The following EYA4 variants were observed in gnomAD, a reference collection of about 807,000 sequenced individuals.
The protein encoded by EYA4 is protein phosphatase EYA4.
Under a neutral mutation model 87.9 loss-of-function variants are expected in EYA4, and 31 were observed. The observed-to-expected ratio is 0.35, with a 90% CI of 0.27 to 0.48. The LOEUF (loss-of-function observed/expected upper bound fraction) is 0.48, where lower values mean the gene tolerates loss of function less well. Ranked by LOEUF, EYA4 falls within the 20% of genes least tolerant of loss-of-function variation. The pLI is 0.99. For synonymous variants in EYA4, 263 were observed against 270.6 expected (o/e 0.97, Z 0.28); for missense variants, 678 against 761.4 (o/e 0.89, Z 1.29).
chr6:133,455,380 A>T (rs976512433), intron 5 of EYA4, among the ~76,000 whole-genome samples: 1 of 146,350 alleles, frequency 6.8e-6, no homozygotes, highest in Admixed American at 6.6e-5. Context: ...TCCAACATTT[A>T]CATTTCTCCT....
intron 3 of EYA4, among the ~76,000 whole-genome samples, chr6:133,436,548 C>A (rs962921051): frequency 2.6e-5 from 4 of 152,130 alleles, no homozygotes; most frequent in Admixed American, 6.5e-5. Flanking sequence ...CCTGATGGTG[C>A]CTTACAGTCT....
intron 1 of EYA4, among the ~76,000 whole-genome samples, chr6:133,260,451 TG>T (rs982473042): frequency 3.3e-5 from 5 of 152,182 alleles, no homozygotes; most frequent in African/African-American, 1.2e-4. Flanking sequence ...TTAGCCAGGC[TG>T]GCCTCAAACT....
intron 13 of EYA4, among the ~76,000 whole-genome samples, chr6:133,490,589 A>C (rs577091990): frequency 2.0e-5 from 3 of 152,212 alleles, no homozygotes; most frequent in East Asian, 1.9e-4. Context: ...ACAAAAAAAA[A>C]CTATAAAAAT....
At chr6:133,494,458 A>G (rs1194066531) in intron 13 of EYA4, among the ~76,000 whole-genome samples, 1 of 152,148 alleles carries the variant, frequency 6.6e-6, no homozygotes, top group African/African-American at 2.4e-5. Flanking sequence ...GGGTACAAAA[A>G]TATAGTTAGA....
At chr6:133,401,689 C>A (rs1299089440) in intron 3 of EYA4, among the ~76,000 whole-genome samples, 1 of 152,106 alleles carries the variant, frequency 6.6e-6, no homozygotes, top group Non-Finnish European at 1.5e-5. Context: ...CTTCTATTTT[C>A]TTGATGACTA....
At chr6:133,441,212 C>T (rs1792250509) in intron 3 of EYA4, among the ~76,000 whole-genome samples, 1 of 151,984 alleles carries the variant, frequency 6.6e-6, no homozygotes, top group Non-Finnish European at 1.5e-5. Flanking sequence ...TTGCATTGGC[C>T]CAGCTTCAGA....
chr6:133,275,546 CTT>C (rs369470483), intron 2 of EYA4, among the ~76,000 whole-genome samples: 65 of 141,988 alleles, frequency 4.6e-4, no homozygotes, highest in Admixed American at 4.2e-4. Context: ...GATGCTGTTC[CTT>C]TTTTTTTTTT....
intron 2 of EYA4, among the ~76,000 whole-genome samples, chr6:133,355,418 A>T (rs1410606290): frequency 6.6e-6 from 1 of 152,244 alleles, no homozygotes; most frequent in Admixed American, 6.5e-5. Flanking sequence ...TAGCAAAGAC[A>T]TGGAATTAGC....
Position 133,413,169 on chromosome 6 carries a change from G to A in EYA4, c.83+30728G>A, listed in dbSNP as rs113324370. Among the ~76,000 whole-genome samples, 628 of 151,494 alleles carry A rather than the reference G, an allele frequency of 4.1e-3. 8 individuals carry two copies. The highest frequency in any genetic ancestry group is 0.015 in the African/African-American group (603 of 40,880). ...CTCAGCTAGGCCATTAATCCTGCCT[G>A]GAAATTATTCTGTTTCACAGACAAC... On this transcript the variant is annotated intron_variant, in intron 3 of 19. Transcript: ENST00000355286.
intron 2 of EYA4, among the ~76,000 whole-genome samples, chr6:133,312,397 C>A (rs1296695569): frequency 6.6e-6 from 1 of 151,930 alleles, no homozygotes; most frequent in Admixed American, 6.5e-5. Context: ...CACACACACA[C>A]ACACACACAC....
intron 2 of EYA4, among the ~76,000 whole-genome samples, chr6:133,310,839 C>T (rs938451011): frequency 6.6e-6 from 1 of 152,178 alleles, no homozygotes; most frequent in African/African-American, 2.4e-5. Flanking sequence ...AACATGCCTA[C>T]CGTTAATTTC....
chr6:133,529,187 C>T lies in EYA4; in HGVS notation c.*382C>T. On this transcript the variant is annotated 3_prime_UTR_variant, in exon 20 of 20. Coordinates refer to ENST00000355286, the MANE Select transcript of EYA4 (RefSeq NM_004100.5). ...TCCTCAAAATGGGAGATCTTCTCAGCCCTGAGGTTTGAATCTGACTTTAGC... is the reference window on the plus strand; with the variant it reads ...TCCTCAAAATGGGAGATCTTCTCAGTCCTGAGGTTTGAATCTGACTTTAGC... The T allele has an allele frequency of 8.6e-7, 1 of 1,162,808 alleles. No individual in the cohort carries two copies. Among genetic ancestry groups the T allele is most frequent in the Non-Finnish European group, 1.1e-6 (1 of 932,406 alleles). The allele number at this position is 1,162,808 out of a possible 1,614,324, so 72.0% of individuals were successfully genotyped here.
intron 1 of EYA4, among the ~76,000 whole-genome samples, chr6:133,244,420 C>A (rs996894390): frequency 2.6e-5 from 4 of 151,442 alleles, no homozygotes; most frequent in African/African-American, 9.7e-5. Flanking sequence ...TTTTTAAAAT[C>A]TTAAGATTTG....
At chr6:133,489,052 C>A in intron 13 of EYA4, among the ~76,000 whole-genome samples, 1 of 151,734 alleles carries the variant, frequency 6.6e-6, no homozygotes, top group South Asian at 2.1e-4. Context: ...ATAAATTTAA[C>A]AAAGATATTG....
In EYA4 at chr6:133,336,607, GT is replaced by G. The variant is rs1423902953; in HGVS notation, c.34-45781del. Among the ~76,000 whole-genome samples, 7 of 152,132 alleles carry G rather than the reference GT, an allele frequency of 4.6e-5. No homozygotes were observed. In the East Asian group the frequency reaches 1.3e-3, roughly 29 times the overall value. ...CAACCAAACAAACAATTGTATTTTG[GT>G]TTTAGAAAGCTATCAAAGACCTTCT... On this transcript the variant is annotated intron_variant, in intron 2 of 19. Coordinates refer to ENST00000355286, the MANE Select transcript of EYA4 (RefSeq NM_004100.5).
chr6:133,359,971 A>G (rs148332196), intron 2 of EYA4, among the ~76,000 whole-genome samples: 132 of 152,332 alleles, frequency 8.7e-4, no homozygotes, highest in African/African-American at 3.0e-3. Context: ...AGACAGAGAA[A>G]GAACGCTATG....
At chr6:133,359,506 T>G (rs1270058029) in intron 2 of EYA4, among the ~76,000 whole-genome samples, 3 of 152,196 alleles carry the variant, frequency 2.0e-5, no homozygotes, top group African/African-American at 2.4e-5. Flanking sequence ...AGCAATTCCC[T>G]TATCTGTTTT....
chr6:133,452,232 G>T (rs934222743), intron 5 of EYA4, among the ~76,000 whole-genome samples: 1 of 152,092 alleles, frequency 6.6e-6, no homozygotes, highest in African/African-American at 2.4e-5. Context: ...CTCTATATGT[G>T]ATTTTTGTGG....
intron 2 of EYA4, among the ~76,000 whole-genome samples, chr6:133,356,098 TTGCTATCTGG>T (rs2128436403): frequency 6.6e-6 from 1 of 152,038 alleles, no homozygotes; most frequent in East Asian, 1.9e-4. Flanking sequence ...GTGCTCCTGC[TTGCTATCTGG>T]TGCCTCTTGT....
Sources: allele counts gnomAD v4.1 joint callset (sites outside exome capture counted in the v4.1 genomes callset), GRCh38; gene constraint gnomAD v4.1.1; transcripts MANE v1.5; gene names NCBI Gene and HGNC (gene_info 2026-07-23, HGNC 2026-07-21).